Variants in PLCE1 observed in about 807,000 individuals in gnomAD.
The protein encoded by PLCE1 is 1-phosphatidylinositol 4,5-bisphosphate phosphodiesterase epsilon-1.
In PLCE1, 119 loss-of-function variants were observed where a neutral mutation model predicts 242.8. The ratio of observed to expected loss-of-function variants is 0.49; its 90% confidence interval spans 0.42 to 0.57. The LOEUF is 0.57. PLCE1 is among the 20% of genes least tolerant of loss of function. The pLI is 0.00. For synonymous variants in PLCE1, 945 were observed against 1,017.4 expected, an observed-to-expected ratio of 0.93 and a Z score of 1.35; for missense variants, 2,441 against 2,788.8, an observed-to-expected ratio of 0.88 and a Z score of 2.81.
chr10:94,099,133 A>G (rs1333906165), intron 2 of PLCE1, among the ~76,000 whole-genome samples: 1 of 152,178 alleles, frequency 6.6e-6, no homozygotes, highest in African/African-American at 2.4e-5. Context: ...TCAAACCCCA[A>G]CCTTGACTCT....
chr10:94,218,903 TA>T (rs10661238), intron 4 of PLCE1, among the ~76,000 whole-genome samples: 4 of 146,100 alleles, frequency 2.7e-5, no homozygotes, highest in South Asian at 2.1e-4. Context: ...TATATAATTA[TA>T]AAAAATCTGA....
intron 4 of PLCE1, among the ~76,000 whole-genome samples, chr10:94,188,751 A>G (rs951204608): frequency 1.3e-5 from 2 of 152,102 alleles, no homozygotes; most frequent in Non-Finnish European, 2.9e-5. Flanking sequence ...GTCTACAGGC[A>G]TGTGCCACCA....
At chr10:94,162,538 TTC>T (rs1564745274) in intron 3 of PLCE1, among the ~76,000 whole-genome samples, 2 of 152,210 alleles carry the variant, frequency 1.3e-5, no homozygotes, top group Admixed American at 6.5e-5. Flanking sequence ...TATTTGATTC[TTC>T]TCTCTTTTCT....
intron 4 of PLCE1, among the ~76,000 whole-genome samples, chr10:94,202,671 C>A (rs553135258): frequency 6.6e-6 from 1 of 152,266 alleles, no homozygotes; most frequent in East Asian, 1.9e-4. Flanking sequence ...TGTAAGGAAA[C>A]CTTGGCCCCT....
chr10:94,295,712 A>G (rs2052789582), intron 23 of PLCE1, among the ~76,000 whole-genome samples: 3 of 152,284 alleles, frequency 2.0e-5, no homozygotes, highest in Admixed American at 1.3e-4. Flanking sequence ...AGCCTTATGA[A>G]ATTTATTTCT....
chr10:94,184,915 A>G (rs1191208385), intron 4 of PLCE1, among the ~76,000 whole-genome samples: 1 of 151,618 alleles, frequency 6.6e-6, no homozygotes, highest in Non-Finnish European at 1.5e-5. Context: ...TCTGGTTTTT[A>G]TGCATGGTAC....
chr10:94,310,356 C>A (rs12254178), intron 27 of PLCE1, among the ~76,000 whole-genome samples: 2 of 152,272 alleles, frequency 1.3e-5, no homozygotes, highest in African/African-American at 4.8e-5. Flanking sequence ...CCCTTCATCA[C>A]TCCACAGCAA....
intron 4 of PLCE1, among the ~76,000 whole-genome samples, chr10:94,172,607 G>A (rs1050535358): frequency 2.0e-5 from 3 of 152,208 alleles, no homozygotes; most frequent in Non-Finnish European, 2.9e-5. Context: ...CAGGAGGATC[G>A]CTTGAGGCCA....
chr10:94,166,012 G>A (rs1461180753), intron 3 of PLCE1, among the ~76,000 whole-genome samples: 1 of 152,036 alleles, frequency 6.6e-6, no homozygotes, highest in Non-Finnish European at 1.5e-5. Flanking sequence ...GGCTCATTTT[G>A]ATCTATTTTC....
chr10:94,293,660 T>A (rs1371328323), intron 23 of PLCE1, 21 bp downstream of exon 23: 1 of 1,612,072 alleles, frequency 6.2e-7, no homozygotes, highest in African/African-American at 1.3e-5. Flanking sequence ...TTTCTTACAA[T>A]ATCTTTGCTT....
At chr10:94,252,522 G>A in intron 9 of PLCE1, 24 bp downstream of exon 9, 1 of 1,590,290 alleles carries the variant, frequency 6.3e-7, no homozygotes, top group Non-Finnish European at 8.6e-7. Flanking sequence ...TGTTTATTAA[G>A]CATTAAACCC....
intron 4 of PLCE1, among the ~76,000 whole-genome samples, chr10:94,184,483 C>A (rs952495720): frequency 6.6e-6 from 1 of 152,196 alleles, no homozygotes; most frequent in African/African-American, 2.4e-5. Flanking sequence ...GCACCTGCCA[C>A]CATGCCCAGC....
At chr10:94,122,681 A>T (rs561913233) in intron 2 of PLCE1, among the ~76,000 whole-genome samples, 86 of 152,292 alleles carry the variant, frequency 5.6e-4, no homozygotes, top group African/African-American at 1.9e-3. Flanking sequence ...AAGGGAGATG[A>T]TAGGGACGTA....
chr10:94,298,633 G>T lies in PLCE1; in HGVS notation c.5422G>T (p.Gly1808Trp), dbSNP rs1349255578. The change falls in exon 24 of 33, where the codon GGG becomes TGG. Residue 1808 changes from glycine to tryptophan, a missense_variant. Gly to Trp is a radical substitution (Grantham distance 184). Transcript: ENST00000371380. The surrounding 1 kb of genome is among the most constrained non-coding windows in gnomAD (Gnocchi z 5.2). The stretch of plus-strand genomic sequence containing the variant: ...GAACCCCCTCATGTTCTGGCTCCAT[G>T]GGATACAGCTTGTGGCACTCAACTA... Reference protein sequence around the residue: ...NPNPLMFWLHGIQLVALNYQT... With the variant: ...NPNPLMFWLHWIQLVALNYQT... 1 of 1,614,080 alleles carries T rather than the reference G, an allele frequency of 6.2e-7. No individual in the cohort carries two copies. Among genetic ancestry groups the T allele is most frequent in the Admixed American group, 1.7e-5 (1 of 60,006 alleles).
rs1017655652 is a variant in PLCE1, at chr10:94,218,938, ATAT to A, written c.1810-8361_1810-8359del. Among the ~76,000 whole-genome samples, 20 of 147,256 alleles carry A rather than the reference ATAT, an allele frequency of 1.4e-4. No homozygotes were observed. In the East Asian group the frequency reaches 3.3e-3, roughly 24 times the overall value. On this transcript the variant is annotated intron_variant, in intron 4 of 32. Coordinates refer to ENST00000371380, the MANE Select transcript of PLCE1 (RefSeq NM_016341.4). The stretch of plus-strand genomic sequence containing the variant: ...GACTATAAAAATTTTAATTATAATT[ATAT>A]TATTATATAATTAAATATAATTAAA...
intron 2 of PLCE1, among the ~76,000 whole-genome samples, chr10:94,118,900 C>T (rs7911571): frequency 0.077 from 11,659 of 152,156 alleles, 1,454 homozygotes; most frequent in African/African-American, 0.25. Flanking sequence ...TGCCACGACC[C>T]GTCCATTTTT....
rs1184475250 is a variant in PLCE1 at position 94,246,421 on chromosome 10, T to C, written c.2896T>C (p.Phe966Leu). The C allele has an allele frequency of 1.9e-6, 3 of 1,614,200 alleles. No individual in the cohort carries two copies. Among genetic ancestry groups the C allele is most frequent in the Non-Finnish European group, 2.5e-6 (3 of 1,180,000 alleles). ...TGTTCAGAACAAACTGGGTAGCATGTTCCTGTCAGAGACTGGTGTGACATT... is the reference window on the plus strand; with the variant it reads ...TGTTCAGAACAAACTGGGTAGCATGCTCCTGTCAGAGACTGGTGTGACATT... ...VCVQNKLGSM[F>L]LSETGVTLLY... is the part of the protein sequence containing the mutation. Residue 966 changes from phenylalanine to leucine, a missense_variant, in exon 8 of 33, where the codon TTC (phenylalanine) becomes CTC (leucine). By Grantham distance (22) the Phe-to-Leu change is conservative (BLOSUM62 0). Coordinates refer to ENST00000371380, the MANE Select transcript of PLCE1 (RefSeq NM_016341.4).
intron 23 of PLCE1, among the ~76,000 whole-genome samples, chr10:94,294,926 T>C (rs1475861510): frequency 6.8e-6 from 1 of 147,066 alleles, no homozygotes; most frequent in Non-Finnish European, 1.5e-5. Context: ...TTTTTTTTTT[T>C]TTTTTTTGAG....
rs751525766 is a variant in PLCE1 at position 94,031,036 on chromosome 10, G to C, written c.-11G>C. ...ATAGAGCAATAGTCAAAACCTGTGT[G>C]TTAGTCCAAGATGACTTCTGAAGAA... On this transcript the variant is annotated 5_prime_UTR_variant, in exon 2 of 33. Coordinates refer to ENST00000371380, the MANE Select transcript of PLCE1 (RefSeq NM_016341.4). 1.2e-6 allele frequency: 2 copies of C among 1,613,418 alleles called. No individual in the cohort carries two copies. The highest frequency in any genetic ancestry group is 4.5e-5 in the East Asian group (2 of 44,860).
Sources: gnomAD v4.1 joint callset for allele counts (sites outside exome capture counted in the v4.1 genomes callset) on GRCh38, gnomAD v4.1.1 for gene constraint, Gnocchi (gnomAD v3.1) non-coding constraint, MANE v1.5 for transcripts, NCBI Gene and HGNC (gene_info 2026-07-23, HGNC 2026-07-21) for gene names.